NEK7: variants seen among roughly 807,000 people sequenced by gnomAD.
NEK7 encodes serine/threonine-protein kinase Nek7.
NEK7 carries 18 observed loss-of-function variants against 44.6 expected under a neutral mutation model. The ratio of observed to expected loss-of-function variants is 0.40; its 90% CI spans 0.28 to 0.60. The LOEUF (loss-of-function observed/expected upper bound fraction) is 0.60. Among genes scored for constraint, NEK7 ranks in the 20% least tolerant of loss-of-function variants. The probability of loss-of-function intolerance (pLI) is 0.38; values close to 1 mark genes in which losing one functional copy is unlikely to be tolerated. For missense variants in NEK7, 256 were observed against 366.5 expected, an observed-to-expected ratio of 0.70 and a Z score of 2.46; for synonymous variants, 130 against 121.1, an observed-to-expected ratio of 1.07 and a Z score of -0.48.
At chr1:198,249,446 G>C (rs1451488015) in intron 2 of NEK7, among the ~76,000 whole-genome samples, 1 of 151,684 alleles carries the variant, frequency 6.6e-6, no homozygotes, top group African/African-American at 2.4e-5. Flanking sequence ...TCTAGTTCTA[G>C]ATCCCTGAGG....
chr1:198,238,445 C>T (rs576407083), intron 2 of NEK7, among the ~76,000 whole-genome samples: 1 of 151,710 alleles, frequency 6.6e-6, no homozygotes, highest in African/African-American at 2.4e-5. Flanking sequence ...CTGACCTCCT[C>T]ATTACCTCTC....
intron 7 of NEK7, among the ~76,000 whole-genome samples, chr1:198,283,032 G>A (rs1654255666): frequency 6.6e-6 from 1 of 152,042 alleles, no homozygotes; most frequent in Non-Finnish European, 1.5e-5. Context: ...AAACTGAGAT[G>A]TAAAGGATAT....
intron 2 of NEK7, among the ~76,000 whole-genome samples, chr1:198,236,842 A>G (rs1394371832): frequency 1.3e-5 from 2 of 152,118 alleles, no homozygotes; most frequent in African/African-American, 4.8e-5. Context: ...TAAACAGTCT[A>G]AGTTACTCTT....
chr1:198,179,038 T>C (rs996641680), intron 1 of NEK7, among the ~76,000 whole-genome samples: 2 of 149,362 alleles, frequency 1.3e-5, no homozygotes, highest in African/African-American at 4.9e-5. Flanking sequence ...AAATTGAGAC[T>C]GTCATTTGAT....
chr1:198,229,816 G>A (rs1015037692), intron 1 of NEK7, among the ~76,000 whole-genome samples: 6 of 147,154 alleles, frequency 4.1e-5, no homozygotes, highest in Non-Finnish European at 8.9e-5. Context: ...CTGTAGAAAT[G>A]AGTTCTTTAT....
intron 1 of NEK7, among the ~76,000 whole-genome samples, chr1:198,176,623 A>C (rs1664610822): frequency 6.6e-6 from 1 of 152,146 alleles, no homozygotes; most frequent in Non-Finnish European, 1.5e-5. Context: ...ATGTAGAATA[A>C]GAATTTCATT....
intron 3 of NEK7, among the ~76,000 whole-genome samples, chr1:198,254,366 G>A (rs1028154158): frequency 6.6e-6 from 1 of 151,766 alleles, no homozygotes; most frequent in Admixed American, 6.6e-5. Context: ...TCCTACATTG[G>A]TATGAATTTC....
At chr1:198,157,303 C>T (rs2102684923) in intron 1 of NEK7, 27 bp downstream of exon 1, 1 of 152,224 alleles carries the variant, frequency 6.6e-6, no homozygotes, top group East Asian at 1.9e-4. Context: ...GGTTCAGGCG[C>T]CCGGACCGGG....
chr1:198,318,217 T>C (rs1344199839), intron 9 of NEK7, among the ~76,000 whole-genome samples: 2 of 152,128 alleles, frequency 1.3e-5, no homozygotes, highest in Non-Finnish European at 2.9e-5. Context: ...GATGAAGAAA[T>C]GAACCTCCAG....
At chr1:198,282,314 A>G (rs946794553) in intron 7 of NEK7, among the ~76,000 whole-genome samples, 2 of 152,078 alleles carry the variant, frequency 1.3e-5, no homozygotes, top group African/African-American at 4.8e-5. Context: ...GAAGAATGTC[A>G]TGCAAGGTCC....
intron 2 of NEK7, among the ~76,000 whole-genome samples, chr1:198,243,053 G>A (rs141049330): frequency 1.3e-5 from 2 of 152,082 alleles, no homozygotes; most frequent in East Asian, 3.9e-4. Flanking sequence ...CTTTCCGCTG[G>A]TCCTTGAACA....
intron 1 of NEK7, among the ~76,000 whole-genome samples, chr1:198,195,781 C>T (rs1023575494): frequency 2.6e-5 from 4 of 152,224 alleles, no homozygotes; most frequent in South Asian, 2.1e-4. Context: ...GCTGAGATTG[C>T]GCCACTGCAC....
At chr1:198,198,658 T>A (rs1303548681) in intron 1 of NEK7, among the ~76,000 whole-genome samples, 2 of 152,220 alleles carry the variant, frequency 1.3e-5, no homozygotes, top group East Asian at 3.9e-4. Context: ...GATAATTAAA[T>A]CCTTGGCCTG....
At chr1:198,172,455 ACT>A (rs1470898902) in intron 1 of NEK7, among the ~76,000 whole-genome samples, 1 of 152,044 alleles carries the variant, frequency 6.6e-6, no homozygotes, top group East Asian at 1.9e-4. Context: ...TTCAGTTTTG[ACT>A]CTGTAGTTTT....
chr1:198,296,731 G>A (rs1654726674), intron 8 of NEK7, among the ~76,000 whole-genome samples: 1 of 152,036 alleles, frequency 6.6e-6, no homozygotes, highest in African/African-American at 2.4e-5. Flanking sequence ...TTTAACTTCA[G>A]TTTCATGTTT....
intron 8 of NEK7, among the ~76,000 whole-genome samples, chr1:198,294,657 T>A (rs1220911783): frequency 6.6e-6 from 1 of 152,124 alleles, no homozygotes; most frequent in Non-Finnish European, 1.5e-5. Context: ...CATTTTGAAT[T>A]TGCCTTTGAG....
intron 2 of NEK7, among the ~76,000 whole-genome samples, chr1:198,246,877 G>T (rs1571568471): frequency 6.6e-6 from 1 of 152,218 alleles, no homozygotes; most frequent in East Asian, 1.9e-4. Context: ...TGGTCTCCGT[G>T]TATGGGAGAA....
chr1:198,253,534 G>A (rs540888108), intron 3 of NEK7, among the ~76,000 whole-genome samples: 5 of 152,170 alleles, frequency 3.3e-5, no homozygotes, highest in Admixed American at 6.5e-5. Context: ...TCAGAAACTA[G>A]AGTCACAAAA....
intron 4 of NEK7, 27 bp from the exon 5 acceptor site, chr1:198,264,098 T>A (rs769153349): frequency 1.9e-6 from 3 of 1,569,124 alleles, no homozygotes; most frequent in Non-Finnish European, 2.6e-6. Flanking sequence ...GTAAGAAAAC[T>A]TTCTGATGCC....
Sources: allele counts gnomAD v4.1 joint callset (sites outside exome capture counted in the v4.1 genomes callset), GRCh38; gene constraint gnomAD v4.1.1; transcripts MANE v1.5; gene names NCBI Gene and HGNC (gene_info 2026-07-23, HGNC 2026-07-21).